RNF19A: variants seen among roughly 807,000 people sequenced by gnomAD.
RNF19A encodes the protein E3 ubiquitin-protein ligase RNF19A.
RNF19A carries 32 observed loss-of-function variants against 75.7 expected under a neutral mutation model. That is an observed-to-expected ratio of 0.42 (90% CI 0.32 to 0.57). RNF19A has a LOEUF of 0.57. Ranked by LOEUF, RNF19A falls within the 20% of genes least tolerant of loss-of-function variation. The pLI, the probability that RNF19A is intolerant of heterozygous loss-of-function variation, is 0.10. For synonymous variants in RNF19A, 335 were observed against 345.2 expected (o/e 0.97, Z 0.33); for missense variants, 782 against 1,036.3 (o/e 0.75, Z 3.37).
intron 2 of RNF19A, among the ~76,000 whole-genome samples, chr8:100,278,218 T>C (rs970070767): frequency 6.6e-6 from 1 of 152,254 alleles, no homozygotes; most frequent in African/African-American, 2.4e-5. Flanking sequence ...AATAAGCACA[T>C]GGCTGCTTTG....
intron 1 of RNF19A, among the ~76,000 whole-genome samples, chr8:100,296,252 G>C (rs771461632): frequency 6.6e-6 from 1 of 152,046 alleles, no homozygotes; most frequent in South Asian, 2.1e-4. Flanking sequence ...CTACAGGCAC[G>C]TGCCACCATG....
rs201153762 is a variant in RNF19A at position 100,275,172 on chromosome 8, C to T, written c.675-11G>A. ...GCTATCACAGCATATCTTGAAAGAA[C>T]AAGAAAAATGATTTAAAATGTGACA... On this transcript the variant is annotated splice_polypyrimidine_tract_variant and intron_variant, in intron 2 of 9. Coordinates refer to ENST00000341084, the MANE Select transcript of RNF19A (RefSeq NM_183419.4). This position sits in a 1 kb window ranked among gnomAD's most constrained non-coding sequence, Gnocchi z 4.3. 2 of 1,609,840 alleles carry T rather than the reference C, an allele frequency of 1.2e-6. No homozygotes were observed. The highest frequency in any genetic ancestry group is 1.3e-5 in the African/African-American group (1 of 74,888).
At chr8:100,305,007 C>T (rs1822007788) in intron 1 of RNF19A, among the ~76,000 whole-genome samples, 1 of 152,224 alleles carries the variant, frequency 6.6e-6, no homozygotes, top group Non-Finnish European at 1.5e-5. Context: ...ACAATCTCAG[C>T]TCACTGCAAC....
rs1259226311 is a variant in RNF19A at position 100,288,365 on chromosome 8, C to T, written c.-93-98G>A. On this transcript the variant is annotated intron_variant, in intron 1 of 9. Transcript: ENST00000341084. ...AATTTCAAACAAGTATGTTTCTTAA[C>T]CATTAGTAGTAGTTGTTTTTTTTAA... 4 of 796,684 alleles carry T rather than the reference C, an allele frequency of 5.0e-6. No individual in the cohort carries two copies. The African/African-American group carries it at 7.2e-5, about 14-fold the overall frequency. The allele number at this position is 796,684 out of a possible 1,614,324, so 49.4% of individuals were successfully genotyped here. A position where few individuals can be genotyped will look rare whatever the true frequency, so the allele number is the denominator to read the frequency against.
At chr8:100,301,432 AGTTT>A in intron 1 of RNF19A, among the ~76,000 whole-genome samples, 1 of 152,352 alleles carries the variant, frequency 6.6e-6, no homozygotes, top group Middle Eastern at 3.4e-3. Context: ...ATAAATTTCA[AGTTT>A]CCTGTGGCAT....
At chr8:100,283,565 CA>C (rs1820880234) in intron 2 of RNF19A, among the ~76,000 whole-genome samples, 2 of 152,086 alleles carry the variant, frequency 1.3e-5, no homozygotes, top group Non-Finnish European at 1.5e-5. Flanking sequence ...TCCTAGCCCT[CA>C]AAAGAGTGGA....
rs1326863192 is a variant in RNF19A, at chr8:100,269,859, A to G, written c.1028+10T>C. 1 of 1,583,028 alleles carries G rather than the reference A, an allele frequency of 6.3e-7. No individual in the cohort carries two copies. The highest frequency in any genetic ancestry group is 1.2e-5 in the South Asian group (1 of 85,236). On this transcript the variant is annotated intron_variant, in intron 4 of 9. Transcript: ENST00000341084. The surrounding 1 kb of genome is among the most constrained non-coding windows in gnomAD (Gnocchi z 5.7). ...CATTTACATATAAATAGCTCCTTCT[A>G]TAAGCTTACCTTAGATAATGCAAAT...
At chr8:100,336,151 G>A (rs1822679944) in exon 1 of RNF19A, 1 of 152,286 alleles carries the variant, frequency 6.6e-6, no homozygotes, top group Admixed American at 6.5e-5. Context: ...CAGGGCATGG[G>A]TCCCACACTC....
At chr8:100,285,671 T>C (rs1167869454) in intron 2 of RNF19A, among the ~76,000 whole-genome samples, 1 of 152,054 alleles carries the variant, frequency 6.6e-6, no homozygotes, top group Non-Finnish European at 1.5e-5. Context: ...TTTGCTCTGT[T>C]GCCCAGGCTG....
intron 3 of RNF19A, among the ~76,000 whole-genome samples, chr8:100,271,682 G>T (rs1038179847): frequency 4.6e-5 from 7 of 152,034 alleles, no homozygotes; most frequent in African/African-American, 1.7e-4. Context: ...TTTTTGATAG[G>T]TCTCTATATA....
intron 5 of RNF19A, among the ~76,000 whole-genome samples, chr8:100,267,099 C>A (rs1025821288): frequency 6.6e-6 from 1 of 152,122 alleles, no homozygotes; most frequent in Non-Finnish European, 1.5e-5. Flanking sequence ...AGCCATTTTA[C>A]AACAGAATGG....
intron 2 of RNF19A, among the ~76,000 whole-genome samples, chr8:100,286,699 G>T (rs1277477197): frequency 6.6e-6 from 1 of 152,130 alleles, no homozygotes; most frequent in Non-Finnish European, 1.5e-5. Context: ...ATTATACCCA[G>T]ATAATCTTGG....
Position 100,275,254 on chromosome 8 carries a change from C to A in RNF19A, c.675-93G>T. On this transcript the variant is annotated intron_variant, in intron 2 of 9. Transcript: ENST00000341084. This position sits in a 1 kb window ranked among gnomAD's most constrained non-coding sequence, Gnocchi z 4.3. ...CCAACTAAAGATTATTCCTGAAAAACATTTTCTATTTATACATTAGCAAAC... is the reference window on the plus strand; with the variant it reads ...CCAACTAAAGATTATTCCTGAAAAAAATTTTCTATTTATACATTAGCAAAC... The A allele has an allele frequency of 9.2e-7, 1 of 1,085,908 alleles. No homozygotes were observed. The highest frequency in any genetic ancestry group is 1.5e-5 in the South Asian group (1 of 68,858). The allele number at this position is 1,085,908 out of a possible 1,614,324, so 67.3% of individuals were successfully genotyped here. A position where few individuals can be genotyped will look rare whatever the true frequency, so the allele number is the denominator to read the frequency against.
At position 100,333,391 on chromosome 8, in the gene RNF19A, C is replaced by G. The variant is rs2130422302; in HGVS notation, c.-243+2717G>C. On this transcript the variant is annotated intron_variant, in intron 1 of 3. Transcript: ENST00000519527. This position sits in a 1 kb window ranked among gnomAD's most constrained non-coding sequence, Gnocchi z 4.7. ...GTCTTATAAGTAAATCACAGTGCAT[C>G]TATACCAAGGAAGTTCACATAGCTA... 6.6e-6 allele frequency among the ~76,000 whole-genome samples: 1 copy of G among 152,274 alleles called. No homozygotes were observed. Among genetic ancestry groups the G allele is most frequent in the East Asian group, 1.9e-4 (1 of 5,184 alleles).
At position 100,264,857 on chromosome 8, in the gene RNF19A, T is replaced by C. The variant is rs1415347449; in HGVS notation, c.1192-72A>G. The C allele has an allele frequency of 7.0e-6, 8 of 1,148,550 alleles. No individual in the cohort carries two copies. Among genetic ancestry groups the C allele is most frequent in the Non-Finnish European group, 1.0e-5 (8 of 767,068 alleles). The allele number at this position is 1,148,550 out of a possible 1,614,324, so 71.1% of individuals were successfully genotyped here. On this transcript the variant is annotated intron_variant, in intron 5 of 9. Coordinates refer to ENST00000341084, the MANE Select transcript of RNF19A (RefSeq NM_183419.4). The surrounding 1 kb of genome is among the most constrained non-coding windows in gnomAD (Gnocchi z 4.7). ...TACAATTTAACTTAGTTGAAAAAGA[T>C]CTATACTTGCTAAAGTGATTTTTCA... is the stretch of plus-strand genomic sequence containing the variant.
At chr8:100,274,896 T>G (rs551340374) in intron 3 of RNF19A, 57 bp downstream of exon 3, 3 of 1,401,098 alleles carry the variant, frequency 2.1e-6, no homozygotes, top group Non-Finnish European at 3.0e-6. Context: ...TTTAAAAAGT[T>G]AAAATAACTA....
Position 100,264,923 on chromosome 8 carries a change from A to G in RNF19A, c.1192-138T>C. 1.6e-6 allele frequency: 1 copy of G among 625,212 alleles called. No individual in the cohort carries two copies. The highest frequency in any genetic ancestry group is 2.8e-5 in the East Asian group (1 of 35,998). The allele number at this position is 625,212 out of a possible 1,614,324, so 38.7% of individuals were successfully genotyped here. On this transcript the variant is annotated intron_variant, in intron 5 of 9. Transcript: ENST00000341084. This position sits in a 1 kb window ranked among gnomAD's most constrained non-coding sequence, Gnocchi z 4.7. ...GAGTATCTTAGTTCAAGGTAAACCT[A>G]CTAGTGTCCTTAAACTATTATATAT...
intron 3 of RNF19A, among the ~76,000 whole-genome samples, chr8:100,270,478 C>T (rs1296078168): frequency 6.6e-6 from 1 of 152,080 alleles, no homozygotes; most frequent in Non-Finnish European, 1.5e-5. Flanking sequence ...TGATATTAAT[C>T]TGAGGTGCTA....
At chr8:100,272,920 C>G (rs1404289210) in intron 3 of RNF19A, among the ~76,000 whole-genome samples, 2 of 152,026 alleles carry the variant, frequency 1.3e-5, no homozygotes, top group Non-Finnish European at 2.9e-5. Flanking sequence ...GGCTGGAGTG[C>G]AGTGGCACAA....
Sources: gnomAD v4.1 joint callset for allele counts (sites outside exome capture counted in the v4.1 genomes callset) on GRCh38, gnomAD v4.1.1 for gene constraint, Gnocchi (gnomAD v3.1) non-coding constraint, MANE v1.5 for transcripts, NCBI Gene and HGNC (gene_info 2026-07-23, HGNC 2026-07-21) for gene names.